The following CCDC148 variants were observed in gnomAD, a reference collection of about 807,000 sequenced individuals.
CCDC148 encodes coiled-coil domain containing 148.
In CCDC148, 89 loss-of-function variants were observed where a neutral mutation model predicts 85.7. That is an observed-to-expected ratio of 1.04 (90% CI 0.87 to 1.24). The LOEUF is 1.24. CCDC148 is among the 50% of genes most tolerant of loss of function. CCDC148 has a pLI of 0.00. For missense variants in CCDC148, 692 were observed against 671.7 expected, an observed-to-expected ratio of 1.03 and a Z score of -0.33; for synonymous variants, 230 against 213.9, an observed-to-expected ratio of 1.08 and a Z score of -0.66.
At chr2:158,404,001 C>G (rs1424677102) in intron 1 of CCDC148, among the ~76,000 whole-genome samples, 1 of 152,168 alleles carries the variant, frequency 6.6e-6, no homozygotes, top group Non-Finnish European at 1.5e-5. Flanking sequence ...TACTTAACCT[C>G]TCTTGGCTCC....
At chr2:158,293,971 T>C (rs1304430214) in intron 9 of CCDC148, among the ~76,000 whole-genome samples, 1,289 of 34,032 alleles carry the variant, frequency 0.038, no homozygotes, top group Admixed American at 0.051. Context: ...CCTCCCTCCC[T>C]CCCCCCCCCC....
chr2:158,445,941 G>T (rs889518328), intron 1 of CCDC148, among the ~76,000 whole-genome samples: 69 of 152,120 alleles, frequency 4.5e-4, no homozygotes, highest in African/African-American at 1.6e-3. Flanking sequence ...CAAACTCTAA[G>T]GACAGTTCAC....
chr2:158,408,305 C>T (rs796570893), intron 1 of CCDC148, among the ~76,000 whole-genome samples: 3 of 152,180 alleles, frequency 2.0e-5, no homozygotes, highest in African/African-American at 7.2e-5. Context: ...TAACTATAGT[C>T]ATATTGCTGT....
intron 1 of CCDC148, among the ~76,000 whole-genome samples, chr2:158,419,361 G>A (rs1342669988): frequency 3.9e-5 from 6 of 152,126 alleles, no homozygotes; most frequent in African/African-American, 1.4e-4. Context: ...TTGTGATTGA[G>A]TTTTACGTCA....
intron 11 of CCDC148, among the ~76,000 whole-genome samples, chr2:158,192,665 G>T (rs971977423): frequency 5.9e-5 from 9 of 151,854 alleles, no homozygotes; most frequent in Admixed American, 5.9e-4. Flanking sequence ...CCCTTCATGA[G>T]AACTTCACAG....
chr2:158,236,778 T>C (rs193094454), intron 10 of CCDC148, among the ~76,000 whole-genome samples: 1 of 152,300 alleles, frequency 6.6e-6, no homozygotes, highest in Admixed American at 6.5e-5. Context: ...ATACTTTTCA[T>C]TCATTTAATT....
intron 10 of CCDC148, among the ~76,000 whole-genome samples, chr2:158,244,261 T>C (rs893207918): frequency 2.6e-5 from 4 of 152,058 alleles, no homozygotes; most frequent in Non-Finnish European, 4.4e-5. Context: ...TCTGTATTAG[T>C]TTTTTTTAAA....
At chr2:158,261,714 T>A (rs568543651) in intron 9 of CCDC148, among the ~76,000 whole-genome samples, 2 of 151,906 alleles carry the variant, frequency 1.3e-5, no homozygotes, top group African/African-American at 4.8e-5. Context: ...CATGAACAGA[T>A]ACTTTTCAAA....
chr2:158,366,762 C>T (rs901361291), intron 1 of CCDC148, among the ~76,000 whole-genome samples: 1 of 152,178 alleles, frequency 6.6e-6, no homozygotes, highest in African/African-American at 2.4e-5. Context: ...TGCCCAATCC[C>T]ACTTCCTTCT....
chr2:158,257,455 C>T (rs1689055797), intron 9 of CCDC148, among the ~76,000 whole-genome samples: 1 of 151,770 alleles, frequency 6.6e-6, no homozygotes, highest in Non-Finnish European at 1.5e-5. Flanking sequence ...ATATTACCTA[C>T]CTAAGCTTTT....
chr2:158,330,691 G>A (rs542116696), intron 7 of CCDC148, among the ~76,000 whole-genome samples: 24 of 152,256 alleles, frequency 1.6e-4, no homozygotes, highest in African/African-American at 4.1e-4. Flanking sequence ...TTCAGAGCCT[G>A]TTATTGGTCT....
At chr2:158,261,276 C>T (rs1045495700) in intron 9 of CCDC148, among the ~76,000 whole-genome samples, 1 of 151,978 alleles carries the variant, frequency 6.6e-6, no homozygotes, top group African/African-American at 2.4e-5. Flanking sequence ...GGAAAAGACT[C>T]CCTATTCAAT....
intron 9 of CCDC148, among the ~76,000 whole-genome samples, chr2:158,297,825 G>C (rs1691260414): frequency 6.6e-6 from 1 of 152,196 alleles, no homozygotes; most frequent in Non-Finnish European, 1.5e-5. Context: ...ACTCAGAACA[G>C]ACTGCCTTTG....
chr2:158,329,395 C>T (rs528673066), intron 7 of CCDC148, among the ~76,000 whole-genome samples: 3 of 152,144 alleles, frequency 2.0e-5, no homozygotes, highest in Non-Finnish European at 4.4e-5. Flanking sequence ...GGTACCAGTA[C>T]CATGCTGTTT....
chr2:158,212,422 T>C (rs1470555372), intron 11 of CCDC148, among the ~76,000 whole-genome samples: 1 of 152,202 alleles, frequency 6.6e-6, no homozygotes, highest in Non-Finnish European at 1.5e-5. Flanking sequence ...AATTTGCACA[T>C]TGTTAAGAAA....
chr2:158,204,321 G>A (rs1949674), intron 11 of CCDC148, among the ~76,000 whole-genome samples: 34,796 of 152,072 alleles, frequency 0.23, 4,038 homozygotes, highest in Middle Eastern at 0.26. Flanking sequence ...TTGAGAGTTT[G>A]GATCTAAATG....
chr2:158,333,851 G>T (rs980277682), intron 7 of CCDC148, among the ~76,000 whole-genome samples: 10 of 152,016 alleles, frequency 6.6e-5, no homozygotes, highest in African/African-American at 2.4e-4. Flanking sequence ...TCTTGAAGTT[G>T]GGTAGTATCA....
chr2:158,301,532 T>C (rs1193555601), intron 9 of CCDC148, among the ~76,000 whole-genome samples: 1 of 152,154 alleles, frequency 6.6e-6, no homozygotes, highest in Non-Finnish European at 1.5e-5. Flanking sequence ...AGTTATAGCA[T>C]ATCAGGGTAG....
At chr2:158,239,090 A>G (rs758993182) in intron 10 of CCDC148, among the ~76,000 whole-genome samples, 28 of 152,180 alleles carry the variant, frequency 1.8e-4, no homozygotes, top group Non-Finnish European at 3.1e-4. Flanking sequence ...ATGAACATGG[A>G]ATACTGCCTT....
Sources: allele counts gnomAD v4.1 joint callset (sites outside exome capture counted in the v4.1 genomes callset), GRCh38; gene constraint gnomAD v4.1.1; transcripts MANE v1.5; gene names NCBI Gene and HGNC (gene_info 2026-07-23, HGNC 2026-07-21).